The following NXPH1 variants were observed in gnomAD, a reference collection of about 807,000 sequenced individuals.
The protein encoded by NXPH1 is neurexophilin 1, also known as neurexophilin-1.
Under a neutral mutation model 23.7 loss-of-function variants are expected in NXPH1, and 5 were observed. That is an observed-to-expected ratio of 0.21 (90% CI 0.11 to 0.44). The LOEUF is 0.44. NXPH1 is among the 20% of genes least tolerant of loss of function. The probability of loss-of-function intolerance (pLI) is 0.99; values close to 1 mark genes in which losing one functional copy is unlikely to be tolerated. For missense variants in NXPH1, 324 were observed against 321.6 expected, an observed-to-expected ratio of 1.01 and a Z score of -0.06; for synonymous variants, 144 against 122.2, an observed-to-expected ratio of 1.18 and a Z score of -1.18.
At chr7:8,589,049 G>A (rs988875940) in intron 2 of NXPH1, among the ~76,000 whole-genome samples, 3 of 152,092 alleles carry the variant, frequency 2.0e-5, no homozygotes, top group African/African-American at 7.2e-5. Flanking sequence ...GGAGGAAAAA[G>A]GATTCAAAAC....
chr7:8,456,155 A>G lies in NXPH1; in HGVS notation c.54+20388A>G, dbSNP rs141974475. Among the ~76,000 whole-genome samples the G allele has an allele frequency of 3.2e-4, 48 of 152,286 alleles. 1 individual carries two copies. The East Asian group carries it at 8.5e-3, about 27-fold the overall frequency. ...TAGTCTGATGATTTCCATTTTGCCC[A>G]TGACAGAAATTAAAGCCACAGGATT... On this transcript the variant is annotated intron_variant, in intron 2 of 2. Transcript: ENST00000405863.
intron 2 of NXPH1, among the ~76,000 whole-genome samples, chr7:8,619,957 A>C (rs2115122029): frequency 6.6e-6 from 1 of 152,274 alleles, no homozygotes; most frequent in East Asian, 1.9e-4. Flanking sequence ...TAAGGCTGTT[A>C]ACCAAGTGTC....
At chr7:8,646,878 G>A (rs1820406703) in intron 2 of NXPH1, among the ~76,000 whole-genome samples, 1 of 151,086 alleles carries the variant, frequency 6.6e-6, no homozygotes, top group Non-Finnish European at 1.5e-5. Context: ...TTTTTTTAAA[G>A]GCAATAAACT....
chr7:8,614,424 A>T (rs1306297562), intron 2 of NXPH1, among the ~76,000 whole-genome samples: 2 of 150,466 alleles, frequency 1.3e-5, no homozygotes, highest in Non-Finnish European at 2.9e-5. Context: ...ATCTATAGAC[A>T]TATATGTCTG....
intron 2 of NXPH1, among the ~76,000 whole-genome samples, chr7:8,521,743 G>A (rs1479810635): frequency 6.6e-6 from 1 of 152,082 alleles, no homozygotes; most frequent in Non-Finnish European, 1.5e-5. Flanking sequence ...GAATTAAATG[G>A]CAATGTAAGA....
chr7:8,509,648 A>C (rs1817582981), intron 2 of NXPH1, among the ~76,000 whole-genome samples: 2 of 152,004 alleles, frequency 1.3e-5, no homozygotes, highest in Non-Finnish European at 2.9e-5. Context: ...CTTGTGTTTC[A>C]TCTGAGAGAG....
chr7:8,493,176 A>G (rs1817280106), intron 2 of NXPH1, among the ~76,000 whole-genome samples: 1 of 151,872 alleles, frequency 6.6e-6, no homozygotes, highest in Non-Finnish European at 1.5e-5. Flanking sequence ...TGCCAGGGTT[A>G]TATTATGGGA....
chr7:8,619,318 C>G (rs1252401154), intron 2 of NXPH1, among the ~76,000 whole-genome samples: 1 of 152,166 alleles, frequency 6.6e-6, no homozygotes, highest in African/African-American at 2.4e-5. Context: ...CAGTTAACTT[C>G]TGCAGTCTGC....
Position 8,557,214 on chromosome 7 carries a change from G to A in NXPH1, c.54+121447G>A, listed in dbSNP as rs561342454. Among the ~76,000 whole-genome samples, 294 of 151,672 alleles carry A rather than the reference G, an allele frequency of 1.9e-3. 1 individual carries two copies. Among genetic ancestry groups the A allele is most frequent in the Non-Finnish European group, 3.5e-3 (234 of 67,742 alleles). ...GTGATTGTGTTACAGCATTGTTCAT[G>A]TGGGTACATCCCGGGCTTTTGTTAG... On this transcript the variant is annotated intron_variant, in intron 2 of 2. Coordinates refer to ENST00000405863, the MANE Select transcript of NXPH1 (RefSeq NM_152745.3).
chr7:8,540,542 G>A (rs769017161), intron 2 of NXPH1, among the ~76,000 whole-genome samples: 2 of 151,742 alleles, frequency 1.3e-5, no homozygotes, highest in Non-Finnish European at 2.9e-5. Flanking sequence ...CACCCTAAGT[G>A]AGGAGATGAA....
At chr7:8,715,037 G>A (rs1358248734) in intron 2 of NXPH1, among the ~76,000 whole-genome samples, 1 of 152,120 alleles carries the variant, frequency 6.6e-6, no homozygotes, top group Non-Finnish European at 1.5e-5. Flanking sequence ...CAGTCCTTGT[G>A]GTTTAGACAG....
intron 2 of NXPH1, among the ~76,000 whole-genome samples, chr7:8,686,691 C>T (rs1230779844): frequency 1.3e-5 from 2 of 152,064 alleles, no homozygotes; most frequent in East Asian, 3.8e-4. Context: ...TTTCATCTGC[C>T]TTTGGTTCTA....
intron 2 of NXPH1, among the ~76,000 whole-genome samples, chr7:8,637,621 CTTTTTA>C (rs1458991882): frequency 1.3e-5 from 2 of 152,122 alleles, no homozygotes; most frequent in Non-Finnish European, 2.9e-5. Context: ...CTAACAGCTC[CTTTTTA>C]TTTTTAGATG....
rs1432583091 is a variant in NXPH1, at chr7:8,679,038, C to G, written c.55-71970C>G. On this transcript the variant is annotated intron_variant, in intron 2 of 2. Transcript: ENST00000405863. ...TTTCGGCTCACTGCAAGCTCCGCCT[C>G]CCGGGTTCACGCCATTCTCCTGCCT... 2.7e-5 allele frequency among the ~76,000 whole-genome samples: 4 copies of G among 147,352 alleles called. No individual in the cohort carries two copies. In the East Asian group the frequency reaches 8.3e-4, roughly 30 times the overall value.
chr7:8,617,703 A>C (rs1446390745), intron 2 of NXPH1, among the ~76,000 whole-genome samples: 2 of 152,166 alleles, frequency 1.3e-5, no homozygotes, highest in Non-Finnish European at 2.9e-5. Flanking sequence ...CAAAAAATAG[A>C]AAGAACAAAT....
chr7:8,468,993 C>T (rs1816828313), intron 2 of NXPH1, among the ~76,000 whole-genome samples: 2 of 151,890 alleles, frequency 1.3e-5, no homozygotes, highest in South Asian at 4.1e-4. Flanking sequence ...ATATAACAAT[C>T]TTGTTTTTAA....
intron 2 of NXPH1, among the ~76,000 whole-genome samples, chr7:8,660,033 A>G (rs1820647761): frequency 6.6e-6 from 1 of 152,214 alleles, no homozygotes; most frequent in South Asian, 2.1e-4. Flanking sequence ...TGCTTGAGAA[A>G]AACCCAGTGT....
chr7:8,696,725 C>T (rs1779526265), intron 2 of NXPH1, among the ~76,000 whole-genome samples: 1 of 151,790 alleles, frequency 6.6e-6, no homozygotes, highest in South Asian at 2.1e-4. Flanking sequence ...CCTGTAGTCC[C>T]AGCTACTCGG....
intron 2 of NXPH1, among the ~76,000 whole-genome samples, chr7:8,436,342 A>G (rs563486451): frequency 1.3e-5 from 2 of 152,310 alleles, no homozygotes; most frequent in African/African-American, 2.4e-5. Flanking sequence ...TCCAGCAAAC[A>G]TGTCCACCTT....
Sources: gnomAD v4.1 joint callset for allele counts (sites outside exome capture counted in the v4.1 genomes callset) on GRCh38, gnomAD v4.1.1 for gene constraint, MANE v1.5 for transcripts, NCBI Gene and HGNC (gene_info 2026-07-23, HGNC 2026-07-21) for gene names.